The following HIRA variants were observed in gnomAD, a reference collection of about 807,000 sequenced individuals.
HIRA encodes protein HIRA.
A neutral mutation model predicts 126.6 loss-of-function variants in HIRA; 13 were observed. That is an observed-to-expected ratio of 0.10 (90% CI 0.07 to 0.16). HIRA has a LOEUF of 0.16. Among genes scored for constraint, HIRA ranks in the 10% least tolerant of loss-of-function variants. The pLI is 1.00. For synonymous variants in HIRA, 511 were observed against 520.0 expected (o/e 0.98, Z 0.24); for missense variants, 834 against 1,314.4 (o/e 0.63, Z 5.65).
chr22:19,355,676 C>T lies in HIRA; in HGVS notation c.2561+84G>A, dbSNP rs782467038. ...CTCAGGAAAAGCAGGGCTAGGCAGC[C>T]CTGTAGGCCACGACCCTTTGCTCTG... On this transcript the variant is annotated intron_variant, in intron 21 of 24. Transcript: ENST00000263208. 1.9e-5 allele frequency: 18 copies of T among 961,914 alleles called. No homozygotes were observed. In the Admixed American group the frequency reaches 2.5e-4, roughly 13 times the overall value. 59.6% of individuals were successfully genotyped at this position (961,914 alleles called of 1,614,324 possible). A position where few individuals can be genotyped will look rare whatever the true frequency, so the allele number is the denominator to read the frequency against.
chr22:19,339,388 A>T (rs1731167384), intron 24 of HIRA, among the ~76,000 whole-genome samples: 1 of 152,208 alleles, frequency 6.6e-6, no homozygotes, highest in Non-Finnish European at 1.5e-5. Context: ...TAATCCCAGC[A>T]ATTTTGGAGG....
Position 19,361,248 on chromosome 22 carries a change from A to G in HIRA, c.2074T>C (p.Phe692Leu), listed in dbSNP as rs1320118217. ...KLPIPSPQRA[F>L]TLQVSSDPSM... ...GTCCTAGAACTTACCTGGAGGGTGA[A>G]TGCTCTCTGGGGGCTTGGAATTGGC... is the stretch of plus-strand genomic sequence containing the variant. The change falls in exon 17 of 25, where the codon TTC becomes CTC. Residue 692 changes from phenylalanine to leucine, a missense_variant. Physicochemically the swap from Phe to Leu is conservative, Grantham distance 22. Around this residue, in one of 5 missense-constraint regions of HIRA, gnomAD observed 468 missense variants for 574.2 expected, o/e 0.82. Coordinates refer to ENST00000263208, the MANE Select transcript of HIRA (RefSeq NM_003325.4). The G allele has an allele frequency of 6.2e-7, 1 of 1,614,044 alleles. No individual in the cohort carries two copies. The highest frequency in any genetic ancestry group is 2.2e-5 in the East Asian group (1 of 44,872).
In HIRA at chr22:19,431,720, G is replaced by A. The variant is rs1601870606; in HGVS notation, c.-244C>T. On this transcript the variant is annotated 5_prime_UTR_variant, in exon 1 of 25. Transcript: ENST00000263208. ...TCCCCTGCGCCGCTCCTCCTCAGGC[G>A]GCTCCCGGGCAACGCCGGAAGTCAC... The A allele has an allele frequency of 1.4e-5, 5 of 348,424 alleles. No individual in the cohort carries two copies. The highest frequency in any genetic ancestry group is 2.5e-5 in the Non-Finnish European group (5 of 202,382). 21.6% of individuals were successfully genotyped at this position (348,424 alleles called of 1,614,324 possible). A position where few individuals can be genotyped will look rare whatever the true frequency, so the allele number is the denominator to read the frequency against.
chr22:19,337,964 G>C (rs544834135), intron 24 of HIRA, among the ~76,000 whole-genome samples: 1 of 152,072 alleles, frequency 6.6e-6, no homozygotes, highest in African/African-American at 2.4e-5. Context: ...GATAATTTTT[G>C]TATTTTTATT....
chr22:19,360,230 A>G (rs536790370), intron 17 of HIRA, among the ~76,000 whole-genome samples: 1 of 152,230 alleles, frequency 6.6e-6, no homozygotes, highest in African/African-American at 2.4e-5. Context: ...CCCAGAAATG[A>G]CAGTCCCAAG....
At chr22:19,354,972 T>TA (rs1556012028) in intron 21 of HIRA, among the ~76,000 whole-genome samples, 9 of 151,980 alleles carry the variant, frequency 5.9e-5, no homozygotes, top group Non-Finnish European at 1.3e-4. Flanking sequence ...AGGGTCTCAC[T>TA]ATGTTGCCCA....
intron 5 of HIRA, chr22:19,399,265 T>C (rs150089828): frequency 1.9e-6 from 1 of 525,688 alleles, no homozygotes; most frequent in African/African-American, 2.1e-5. Context: ...ATCAAGTCCT[T>C]TCTTTGTACA....
rs370775985 is a variant in HIRA at position 19,378,027 on chromosome 22, C to A, written c.1455G>T (p.Ser485=). The A allele has an allele frequency of 7.5e-6, 12 of 1,600,350 alleles. No individual in the cohort carries two copies. Among genetic ancestry groups the A allele is most frequent in the Non-Finnish European group, 9.4e-6 (11 of 1,172,474 alleles). ...AGAGCATGGTGCCCGCCAGGGAGCC[C>A]GAGAGGGGGATGCTGTTAAAGAATG... ...STAFFNSIPL[S]GSLAGTMLSS... The change falls in exon 14 of 25, where the codon TCG becomes TCT. Residue 485 remains serine (S), a synonymous_variant. Coordinates refer to ENST00000263208, the MANE Select transcript of HIRA (RefSeq NM_003325.4).
chr22:19,375,836 AG>A, intron 14 of HIRA, 44 bp from the exon 15 acceptor site: 1 of 1,594,946 alleles, frequency 6.3e-7, no homozygotes, highest in Non-Finnish European at 8.6e-7. Context: ...CAATCCTGAA[AG>A]GATCTGGAGG....
chr22:19,369,586 G>A (rs1361655207), intron 15 of HIRA, among the ~76,000 whole-genome samples: 1 of 152,060 alleles, frequency 6.6e-6, no homozygotes, highest in Non-Finnish European at 1.5e-5. Context: ...CTTGCAAGGT[G>A]TATTACTTTG....
In HIRA at chr22:19,338,071, A is replaced by G. The variant is rs528088209; in HGVS notation, c.2938-6515T>C. 5.3e-5 allele frequency among the ~76,000 whole-genome samples: 8 copies of G among 152,216 alleles called. No individual in the cohort carries two copies. In the East Asian group the frequency reaches 1.5e-3, roughly 29 times the overall value. ...CCTCCCTAAGTGTTGGGATTACACG[A>G]ATGAGCCACTGCGCCTGGCCAGAAT... is the stretch of plus-strand genomic sequence containing the variant. On this transcript the variant is annotated intron_variant, in intron 24 of 24. Transcript: ENST00000263208.
chr22:19,387,416 G>T (rs190247790), intron 11 of HIRA, among the ~76,000 whole-genome samples: 58 of 152,338 alleles, frequency 3.8e-4, no homozygotes, highest in African/African-American at 1.4e-3. Flanking sequence ...AGTCACTTCA[G>T]CTCTTTCCCA....
chr22:19,408,851 A>T (rs1318491803), intron 2 of HIRA, among the ~76,000 whole-genome samples: 3 of 152,218 alleles, frequency 2.0e-5, no homozygotes, highest in Non-Finnish European at 4.4e-5. Context: ...ACTAGCAATC[A>T]GGAGGGAACT....
chr22:19,394,281 C>A, intron 8 of HIRA, 61 bp downstream of exon 8: 2 of 1,564,832 alleles, frequency 1.3e-6, no homozygotes, highest in Non-Finnish European at 1.7e-6. Context: ...TCAAAATAAA[C>A]CAAGAATTAA....
chr22:19,370,205 G>A (rs1485177140), intron 15 of HIRA, among the ~76,000 whole-genome samples: 1 of 151,936 alleles, frequency 6.6e-6, no homozygotes, highest in Non-Finnish European at 1.5e-5. Flanking sequence ...TGCCCACCTC[G>A]GCCTCCCAAA....
chr22:19,350,371 G>A (rs1243334585), intron 24 of HIRA, among the ~76,000 whole-genome samples: 1 of 152,112 alleles, frequency 6.6e-6, no homozygotes, highest in Admixed American at 6.6e-5. Flanking sequence ...GAAGCTGTGA[G>A]CTAACTCTTA....
chr22:19,332,184 C>T (rs1156452303), intron 24 of HIRA, among the ~76,000 whole-genome samples: 5 of 152,186 alleles, frequency 3.3e-5, no homozygotes, highest in Non-Finnish European at 7.4e-5. Flanking sequence ...CTGAGCAGTA[C>T]GGCTGCTCCA....
At chr22:19,415,389 T>C (rs1034953594) in intron 1 of HIRA, among the ~76,000 whole-genome samples, 4 of 152,192 alleles carry the variant, frequency 2.6e-5, no homozygotes, top group Admixed American at 6.5e-5. Context: ...GGCGAAAGAC[T>C]TGTACACTGA....
At chr22:19,355,679 G>C (rs2088804877) in intron 21 of HIRA, 81 bp downstream of exon 21, 3 of 1,012,334 alleles carry the variant, frequency 3.0e-6, no homozygotes, top group South Asian at 1.3e-5. Context: ...AGGCAGCCCT[G>C]TAGGCCACGA....
Sources: gnomAD v4.1 joint callset for allele counts (sites outside exome capture counted in the v4.1 genomes callset) on GRCh38, gnomAD v4.1.1 for gene constraint, gnomAD v4.1.1 regional missense constraint, MANE v1.5 for transcripts, NCBI Gene and HGNC (gene_info 2026-07-23, HGNC 2026-07-21) for gene names.